The following PMFBP1 variants were observed in gnomAD, a reference collection of about 807,000 sequenced individuals.
PMFBP1 encodes the protein polyamine-modulated factor 1-binding protein 1.
Under a neutral mutation model 137.8 loss-of-function variants are expected in PMFBP1, and 131 were observed. The observed-to-expected ratio is 0.95, with a 90% CI of 0.82 to 1.10. The LOEUF (loss-of-function observed/expected upper bound fraction) is 1.10, where lower values mean the gene tolerates loss of function less well. PMFBP1 is among the 50% of genes least tolerant of loss of function. The probability of loss-of-function intolerance (pLI) is 0.00; values close to 1 mark genes in which losing one functional copy is unlikely to be tolerated. For synonymous variants in PMFBP1, 490 were observed against 450.4 expected (o/e 1.09, Z -1.11); for missense variants, 1,199 against 1,175.4 (o/e 1.02, Z -0.29).
chr16:72,164,831 C>T lies in PMFBP1; in HGVS notation c.98G>A (p.Cys33Tyr). The change falls in exon 3 of 21, where the codon TGC (cysteine) becomes TAC (tyrosine). Residue 33 changes from cysteine (C) to tyrosine (Y), a missense_variant. Coordinates refer to ENST00000237353, the MANE Select transcript of PMFBP1 (RefSeq NM_031293.3). ...QLDIKNLHDV[C>Y]KRQRKTLQDN... ...CTGCAAGGTCTTCCTCTGTCTCTTG[C>T]AGACATCGTGCAGATTCTTGATGTC... 1 of 1,610,210 alleles carries T rather than the reference C, an allele frequency of 6.2e-7. No homozygotes were observed. The highest frequency in any genetic ancestry group is 8.5e-7 in the Non-Finnish European group (1 of 1,176,782).
intron 9 of PMFBP1, among the ~76,000 whole-genome samples, chr16:72,135,507 G>A (rs2042614097): frequency 1.3e-5 from 2 of 151,412 alleles, no homozygotes; most frequent in Admixed American, 1.3e-4. Context: ...GTGGGCCACC[G>A]CACCCGGCCG....
chr16:72,241,917 A>G, the PMFBP1 span, among the ~76,000 whole-genome samples: 3 of 152,182 alleles, frequency 2.0e-5, no homozygotes. Context: ...ATTATCATAG[A>G]AGTTATTTTT....
the PMFBP1 span, among the ~76,000 whole-genome samples, chr16:72,199,308 A>G: frequency 6.6e-6 from 1 of 152,190 alleles, no homozygotes; most frequent in Non-Finnish European, 1.5e-5. Context: ...AAGTGAAGAC[A>G]ATGCAGAGCC....
At chr16:72,195,718 T>C in the PMFBP1 span, among the ~76,000 whole-genome samples, 1 of 152,236 alleles carries the variant, frequency 6.6e-6, no homozygotes, top group East Asian at 1.9e-4. Flanking sequence ...TTTGATCACA[T>C]TGGAGCGTTC....
At chr16:72,178,285 G>C (rs1438226375), upstream of PMFBP1, among the ~76,000 whole-genome samples, 1 of 152,068 alleles carries the variant, frequency 6.6e-6, no homozygotes, top group Non-Finnish European at 1.5e-5. Flanking sequence ...GTTGACCTTG[G>C]TCACCTGGTT....
the PMFBP1 span, among the ~76,000 whole-genome samples, chr16:72,195,413 C>A: frequency 1.3e-5 from 2 of 152,132 alleles, no homozygotes; most frequent in Non-Finnish European, 2.9e-5. Flanking sequence ...TTCACTGAAT[C>A]TCTTGCACTT....
At chr16:72,131,903 T>C (rs2042554907) in intron 10 of PMFBP1, among the ~76,000 whole-genome samples, 2 of 152,206 alleles carry the variant, frequency 1.3e-5, no homozygotes, top group Admixed American at 1.3e-4. Context: ...TGGAGTGCAC[T>C]GGCGTAATCT....
At chr16:72,172,642 T>C (rs2043232767), upstream of PMFBP1, among the ~76,000 whole-genome samples, 1 of 151,912 alleles carries the variant, frequency 6.6e-6, no homozygotes, top group Admixed American at 6.6e-5. Flanking sequence ...GATTGCGGGT[T>C]TGGTTTCTGA....
the PMFBP1 span, among the ~76,000 whole-genome samples, chr16:72,233,125 G>T: frequency 6.6e-6 from 1 of 152,034 alleles, no homozygotes; most frequent in East Asian, 1.9e-4. Context: ...TTTACCTGTA[G>T]TCCAGTATGC....
At chr16:72,157,936 C>T (rs1159211256) in intron 3 of PMFBP1, among the ~76,000 whole-genome samples, 1 of 152,118 alleles carries the variant, frequency 6.6e-6, no homozygotes, top group Non-Finnish European at 1.5e-5. Flanking sequence ...TGATGGTCAT[C>T]CGTAACAGAT....
chr16:72,135,405 C>T (rs1237808355), intron 9 of PMFBP1, among the ~76,000 whole-genome samples: 3 of 146,816 alleles, frequency 2.0e-5, no homozygotes, highest in Non-Finnish European at 4.5e-5. Context: ...TAAGTAGAGA[C>T]GGGGTTTCAC....
Position 72,132,784 on chromosome 16 carries a change from T to C in PMFBP1, c.1411A>G (p.Ser471Gly), listed in dbSNP as rs766299966. ...LQAEVQKLKN[S>G]LEEAKQQERL... ...TCCTGCTGCTTGGCCTCTTCGAGAC[T>C]GTTCTTCAGCTTCTGGACCTCAGCC... Residue 471 changes from serine to glycine, a missense_variant, in exon 10 of 21, where the codon AGT (serine) becomes GGT (glycine). By Grantham distance (56) the Ser-to-Gly change is moderately conservative (BLOSUM62 0). Coordinates refer to ENST00000237353, the MANE Select transcript of PMFBP1 (RefSeq NM_031293.3). The C allele has an allele frequency of 2.7e-5, 44 of 1,614,076 alleles. No individual in the cohort carries two copies. The highest frequency in any genetic ancestry group is 3.5e-5 in the Non-Finnish European group (41 of 1,180,034).
At chr16:72,212,432 A>G in the PMFBP1 span, among the ~76,000 whole-genome samples, 3 of 150,832 alleles carry the variant, frequency 2.0e-5, no homozygotes, top group Non-Finnish European at 4.4e-5. Context: ...GCCTGTTTCT[A>G]TGTGTTCTTT....
chr16:72,125,518 G>A (rs1024096538), intron 15 of PMFBP1, 113 bp from the exon 16 acceptor site: 70 of 1,219,992 alleles, frequency 5.7e-5, no homozygotes, highest in Middle Eastern at 5.4e-4. Context: ...AGGGTGACAC[G>A]GACGGTCACC....
upstream of PMFBP1, among the ~76,000 whole-genome samples, chr16:72,179,887 G>T (rs1180514153): frequency 6.6e-6 from 1 of 152,174 alleles, no homozygotes; most frequent in Non-Finnish European, 1.5e-5. Context: ...GTTCTCTCCT[G>T]TATTCTTTGA....
At chr16:72,164,218 G>A (rs2043108224) in intron 3 of PMFBP1, among the ~76,000 whole-genome samples, 1 of 152,122 alleles carries the variant, frequency 6.6e-6, no homozygotes, top group African/African-American at 2.4e-5. Context: ...CTCCCCATCT[G>A]ACATTGCTTG....
At chr16:72,249,695 T>C in the PMFBP1 span, among the ~76,000 whole-genome samples, 31 of 151,350 alleles carry the variant, frequency 2.0e-4, no homozygotes, top group East Asian at 5.6e-3. Context: ...GGCAGGTGAA[T>C]TACGAGGTCA....
At chr16:72,178,043 C>T (rs2043264487), upstream of PMFBP1, among the ~76,000 whole-genome samples, 2 of 152,118 alleles carry the variant, frequency 1.3e-5, no homozygotes. Context: ...AGGCACTCAC[C>T]ACCAAGCCTG....
the PMFBP1 span, among the ~76,000 whole-genome samples, chr16:72,227,972 A>G: frequency 6.6e-6 from 1 of 152,190 alleles, no homozygotes; most frequent in Non-Finnish European, 1.5e-5. Flanking sequence ...CGCCAAGTGA[A>G]ATATCTTCCC....
Sources: allele counts gnomAD v4.1 joint callset (sites outside exome capture counted in the v4.1 genomes callset), GRCh38; gene constraint gnomAD v4.1.1; transcripts MANE v1.5; gene names NCBI Gene and HGNC (gene_info 2026-07-23, HGNC 2026-07-21).